The following ZNF605 variants were observed in gnomAD, a reference collection of about 807,000 sequenced individuals.
The protein encoded by ZNF605 is zinc finger protein 605.
In ZNF605, 9 loss-of-function variants were observed where a neutral mutation model predicts 7.9. The observed-to-expected ratio is 1.14, with a 90% CI of 0.68 to 1.98. The LOEUF (loss-of-function observed/expected upper bound fraction) is 1.98, where lower values mean the gene tolerates loss of function less well. ZNF605 is among the 30% of genes most tolerant of loss of function. ZNF605 has a pLI of 0.00. For missense variants in ZNF605, 673 were observed against 762.4 expected, an observed-to-expected ratio of 0.88 and a Z score of 1.38; for synonymous variants, 255 against 260.1, an observed-to-expected ratio of 0.98 and a Z score of 0.19.
Position 132,922,712 on chromosome 12 carries a change from G to C in ZNF605, c.*2661C>G, listed in dbSNP as rs925053654. 2.6e-5 allele frequency: 4 copies of C among 152,218 alleles called. No individual in the cohort carries two copies. The highest frequency in any genetic ancestry group is 9.7e-5 in the African/African-American group (4 of 41,446). The allele number at this position is 152,218 out of a possible 1,614,324, so 9.4% of individuals were successfully genotyped here. A position where few individuals can be genotyped will look rare whatever the true frequency, so the allele number is the denominator to read the frequency against. ...CAGTGGGTTGGGGAAGCACCCAGTA[G>C]TAGTTAAGTCTGAAGATCATGGAGA... On this transcript the variant is annotated 3_prime_UTR_variant, in exon 5 of 5. Coordinates refer to ENST00000360187, the MANE Select transcript of ZNF605 (RefSeq NM_183238.4).
Position 132,945,620 on chromosome 12 carries a change from C to G in ZNF605, c.15+1G>C. ...AAACAGAGGATAAACCGATAACCCACCTGTGACTGGATCATTTTCCGCTGC... is the reference window on the plus strand; with the variant it reads ...AAACAGAGGATAAACCGATAACCCAGCTGTGACTGGATCATTTTCCGCTGC... On this transcript the variant is annotated splice_donor_variant, in intron 3 of 4. Transcript: ENST00000360187. LOFTEE classifies it high-confidence loss of function. 1 of 1,613,914 alleles carries G rather than the reference C, an allele frequency of 6.2e-7. No homozygotes were observed. Among genetic ancestry groups the G allele is most frequent in the Non-Finnish European group, 8.5e-7 (1 of 1,180,002 alleles).
In ZNF605 at chr12:132,926,265, G is replaced by A; in HGVS notation, c.1034C>T (p.Ala345Val). The stretch of plus-strand genomic sequence containing the variant: ...AATGAGAAGTGAGTTCCTGCTGAAG[G>A]CTTTTTGACACTCACCACATCCGTA... ...KPYGCGECQKAFSRNSLLIRH... is the reference protein window; with the variant it reads ...KPYGCGECQKVFSRNSLLIRH... Residue 345 changes from alanine (A) to valine (V), a missense_variant, in exon 5 of 5, where the codon GCC becomes GTC. Coordinates refer to ENST00000360187, the MANE Select transcript of ZNF605 (RefSeq NM_183238.4). 6.2e-7 allele frequency: 1 copy of A among 1,613,868 alleles called. No homozygotes were observed. Among genetic ancestry groups the A allele is most frequent in the Non-Finnish European group, 8.5e-7 (1 of 1,179,932 alleles).
At chr12:132,953,505 C>T (rs772158381) in intron 1 of ZNF605, among the ~76,000 whole-genome samples, 30 of 152,206 alleles carry the variant, frequency 2.0e-4, no homozygotes, top group Non-Finnish European at 3.5e-4. Flanking sequence ...CGGTTCACTG[C>T]AACCTCTGCC....
rs1180291735 is a variant in ZNF605, at chr12:132,950,925, G to A, written c.-285-2655C>T. On this transcript the variant is annotated intron_variant, in intron 1 of 4. Transcript: ENST00000360187. ...ACACACATACTGATACACACGTAAC[G>A]TATACACAGACACGTACACATAGAC... Among the ~76,000 whole-genome samples the A allele has an allele frequency of 4.0e-5, 6 of 148,546 alleles. No homozygotes were observed. In the Middle Eastern group the frequency reaches 0.012, roughly 286 times the overall value.
chr12:132,942,876 G>A (rs1269134795), intron 3 of ZNF605, among the ~76,000 whole-genome samples: 1 of 152,232 alleles, frequency 6.6e-6, no homozygotes, highest in South Asian at 2.1e-4. Flanking sequence ...GCCATGTTCA[G>A]TCCTCCGGGC....
intron 4 of ZNF605, among the ~76,000 whole-genome samples, chr12:132,931,063 C>A (rs1952303904): frequency 2.0e-5 from 3 of 152,150 alleles, no homozygotes; most frequent in Admixed American, 2.0e-4. Context: ...GTGGTAGTCT[C>A]AGCTACTGGG....
intron 3 of ZNF605, among the ~76,000 whole-genome samples, chr12:132,939,001 T>TC (rs1952400755): frequency 2.0e-5 from 3 of 151,418 alleles, no homozygotes. Context: ...GGGGCAGGGC[T>TC]GGGCACCTGC....
chr12:132,947,042 C>T (rs1278227705), intron 2 of ZNF605, among the ~76,000 whole-genome samples: 2 of 151,486 alleles, frequency 1.3e-5, no homozygotes, highest in African/African-American at 4.9e-5. Context: ...GGCAGAGTTT[C>T]GCTGTTGTAG....
chr12:132,939,690 C>G (rs373479264), intron 3 of ZNF605, among the ~76,000 whole-genome samples: 3,396 of 152,222 alleles, frequency 0.022, 123 homozygotes, highest in African/African-American at 0.077. Flanking sequence ...GCAGGCTGCC[C>G]GAGCCAGCAG....
intron 4 of ZNF605, among the ~76,000 whole-genome samples, chr12:132,931,258 C>A (rs1361435488): frequency 6.6e-6 from 1 of 152,162 alleles, no homozygotes; most frequent in African/African-American, 2.4e-5. Flanking sequence ...ATCTGATAAA[C>A]AAGACCTTTC....
At chr12:132,929,044 C>CAAAACAAAACAA (rs1555278761) in intron 4 of ZNF605, among the ~76,000 whole-genome samples, 2 of 151,078 alleles carry the variant, frequency 1.3e-5, no homozygotes, top group African/African-American at 2.4e-5. Context: ...CAAAACAAAA[C>CAAAACAAAACAA]AAAAAAACCC....
At chr12:132,928,807 T>G (rs1952273646) in intron 4 of ZNF605, among the ~76,000 whole-genome samples, 1 of 150,680 alleles carries the variant, frequency 6.6e-6, no homozygotes, top group African/African-American at 2.4e-5. Context: ...AGCCCAGGAG[T>G]TTGAGACTAG....
At chr12:132,943,559 G>A (rs1382038406) in intron 3 of ZNF605, among the ~76,000 whole-genome samples, 1 of 152,106 alleles carries the variant, frequency 6.6e-6, no homozygotes, top group Non-Finnish European at 1.5e-5. Flanking sequence ...CCAGGCACCT[G>A]CACTCCAGTC....
intron 1 of ZNF605, among the ~76,000 whole-genome samples, chr12:132,955,104 GAA>G (rs1310154524): frequency 2.0e-5 from 3 of 152,096 alleles, no homozygotes; most frequent in Non-Finnish European, 4.4e-5. Context: ...TGGAAGTGGG[GAA>G]AAAAAGACGC....
At position 132,926,565 on chromosome 12, in the gene ZNF605, C is replaced by T; in HGVS notation, c.734G>A (p.Arg245Lys). The change falls in exon 5 of 5, where the codon AGA becomes AAA. Residue 245 changes from arginine to lysine, a missense_variant. Arg to Lys is a conservative substitution (Grantham distance 26, BLOSUM62 2). Transcript: ENST00000360187. ...ATACGGCTTCTCTCCAGTATGAATTCTCTGATGTAAAATGAGGAGTGACTT... is the reference window on the plus strand; with the variant it reads ...ATACGGCTTCTCTCCAGTATGAATTTTCTGATGTAAAATGAGGAGTGACTT... ...SRKSLLILHQ[R>K]IHTGEKPYGC... 6.2e-7 allele frequency: 1 copy of T among 1,614,192 alleles called. No individual in the cohort carries two copies. Among genetic ancestry groups the T allele is most frequent in the East Asian group, 2.2e-5 (1 of 44,886 alleles).
Position 132,926,386 on chromosome 12 carries a change from CT to C in ZNF605, c.912del (p.Gly305GlufsTer20). The C allele has an allele frequency of 6.2e-7, 1 of 1,614,168 alleles. No homozygotes were observed. The highest frequency in any genetic ancestry group is 8.5e-7 in the Non-Finnish European group (1 of 1,180,026). On this transcript the variant is annotated frameshift_variant, in exon 5 of 5. Coordinates refer to ENST00000360187, the MANE Select transcript of ZNF605 (RefSeq NM_183238.4). LOFTEE classifies it low-confidence loss of function (END_TRUNC). ...TGACTACATGGATAGGGTTTCTCTC[CT>C]GTGTGCGCTCTCTGATGTGTGATGA... ...LKLITHQRAH[T>X]GEKPYPCSHC...
intron 4 of ZNF605, 46 bp from the exon 5 acceptor site, chr12:132,927,208 A>G: frequency 7.3e-7 from 1 of 1,367,588 alleles, no homozygotes; most frequent in South Asian, 1.5e-5. Context: ...TCCTTCAATT[A>G]TTATGCTTAT....
At chr12:132,927,611 G>A (rs1052446963) in intron 4 of ZNF605, among the ~76,000 whole-genome samples, 9 of 151,628 alleles carry the variant, frequency 5.9e-5, no homozygotes, top group Non-Finnish European at 1.0e-4. Flanking sequence ...TGATCCACCC[G>A]CCTCAGCCTC....
Position 132,926,956 on chromosome 12 carries a change from A to G in ZNF605, c.343T>C (p.Cys115Arg). The G allele has an allele frequency of 6.2e-7, 1 of 1,610,868 alleles. No individual in the cohort carries two copies. Among genetic ancestry groups the G allele is most frequent in the Admixed American group, 1.7e-5 (1 of 59,416 alleles). The change falls in exon 5 of 5, where the codon TGT (cysteine) becomes CGT (arginine). Residue 115 changes from cysteine (C) to arginine (R), a missense_variant. By Grantham distance (180) the Cys-to-Arg change is radical. Transcript: ENST00000360187. ...AGTTCATCAATTTTCTTTCTTTCAC[A>G]ATTATTTTTTGGAATAAGCAAATCA... ...PFDLLIPKNN[C>R]ERKKIDELNK... is the part of the protein sequence containing the mutation.
Sources: gnomAD v4.1 joint callset for allele counts (sites outside exome capture counted in the v4.1 genomes callset) on GRCh38, gnomAD v4.1.1 for gene constraint, MANE v1.5 for transcripts, NCBI Gene and HGNC (gene_info 2026-07-23, HGNC 2026-07-21) for gene names.